APMAP: variants seen among roughly 807,000 people sequenced by gnomAD.
APMAP encodes adipocyte plasma membrane-associated protein.
In APMAP, 33 loss-of-function variants were observed where a neutral mutation model predicts 43.6. The observed-to-expected ratio is 0.76, with a 90% CI of 0.57 to 1.01. The LOEUF (loss-of-function observed/expected upper bound fraction) is 1.01, where lower values mean the gene tolerates loss of function less well. Ranked by LOEUF, APMAP falls within the 50% of genes least tolerant of loss-of-function variation. The pLI, the probability that APMAP is intolerant of heterozygous loss-of-function variation, is 0.00. For missense variants in APMAP, 498 were observed against 540.7 expected (o/e 0.92, Z 0.78); for synonymous variants, 224 against 216.7 (o/e 1.03, Z -0.30).
rs199899531 is a variant in APMAP, at chr20:24,973,703, G to A, written c.363C>T (p.Val121=). Residue 121 remains valine, a synonymous_variant, in exon 4 of 9, where the codon GTC becomes GTT. Transcript: ENST00000217456. ...CTATTTCACCATTTTCAAGTTTTAC[G>A]ACCCGGCCATCTGCTGTCCCAGTAA... ...VMFTGTADGR[V]VKLENGEIET... The A allele has an allele frequency of 1.1e-4, 170 of 1,614,084 alleles. 1 individual carries two copies. Among genetic ancestry groups the A allele is most frequent in the East Asian group, 7.8e-4 (35 of 44,892 alleles).
chr20:24,965,650 G>A (rs916465971), intron 8 of APMAP, among the ~76,000 whole-genome samples: 12 of 152,322 alleles, frequency 7.9e-5, no homozygotes, highest in South Asian at 4.1e-4. Context: ...GGGACAGCCC[G>A]GTGCAGGGAT....
At chr20:24,986,847 G>A (rs770740869) in intron 1 of APMAP, among the ~76,000 whole-genome samples, 27 of 152,204 alleles carry the variant, frequency 1.8e-4, no homozygotes, top group Admixed American at 8.5e-4. Flanking sequence ...CATTAGAAGC[G>A]CTGCCTGCCA....
At chr20:24,964,271 C>T (rs1375405631) in intron 8 of APMAP, 15 of 658,940 alleles carry the variant, frequency 2.3e-5, no homozygotes, top group Non-Finnish European at 4.0e-5. Flanking sequence ...ACAAGGACAG[C>T]AACGCAAGCA....
intron 1 of APMAP, among the ~76,000 whole-genome samples, chr20:24,991,430 G>A (rs2088191249): frequency 6.6e-6 from 1 of 152,216 alleles, no homozygotes; most frequent in South Asian, 2.1e-4. Context: ...TGGTTGGTCA[G>A]GATATATGGG....
chr20:24,973,910 T>TA (rs2088027852), intron 3 of APMAP, among the ~76,000 whole-genome samples, 173 bp from the exon 4 acceptor site: 2 of 152,180 alleles, frequency 1.3e-5, no homozygotes, highest in African/African-American at 4.8e-5. Context: ...CCTTAAAACT[T>TA]ACAGTGATAA....
In APMAP at chr20:24,971,446, A is replaced by G. The variant is rs916404343; in HGVS notation, c.538+14T>C. 1 of 1,595,646 alleles carries G rather than the reference A, an allele frequency of 6.3e-7. No homozygotes were observed. The highest frequency in any genetic ancestry group is 1.3e-5 in the African/African-American group (1 of 74,622). ...TAAAATCTTCATAGAAGGAAACGAG[A>G]TATTGTCACATACGTTTCCAGGGAT... On this transcript the variant is annotated intron_variant, in intron 5 of 8. Transcript: ENST00000217456.
intron 1 of APMAP, among the ~76,000 whole-genome samples, chr20:24,991,772 G>A (rs1367042602): frequency 2.6e-5 from 4 of 152,202 alleles, no homozygotes; most frequent in Non-Finnish European, 5.9e-5. Flanking sequence ...TCAGGACACA[G>A]AATTGAAAAG....
At chr20:24,984,050 A>G in intron 1 of APMAP, 31 bp from the exon 2 acceptor site, 1 of 1,560,958 alleles carries the variant, frequency 6.4e-7, no homozygotes, top group Non-Finnish European at 8.8e-7. Flanking sequence ...AAAGGCAATC[A>G]GCTGAGTCTC....
rs146193605 is a variant in APMAP at position 24,966,903 on chromosome 20, C to T, written c.1041+1989G>A. 6.8e-3 allele frequency among the ~76,000 whole-genome samples: 1,032 copies of T among 152,268 alleles called. 11 individuals are homozygous for T. The highest frequency in any genetic ancestry group is 0.024 in the African/African-American group (987 of 41,532). ...CAGGCATCTGCAGTGAGTGACAGGGCATTAGGCCAGCCGCTAACTCGGAAA... is the reference window on the plus strand; with the variant it reads ...CAGGCATCTGCAGTGAGTGACAGGGTATTAGGCCAGCCGCTAACTCGGAAA... On this transcript the variant is annotated intron_variant, in intron 8 of 8. Coordinates refer to ENST00000217456, the MANE Select transcript of APMAP (RefSeq NM_020531.3).
chr20:24,965,102 C>G (rs1274692047), intron 8 of APMAP, among the ~76,000 whole-genome samples: 1 of 152,242 alleles, frequency 6.6e-6, no homozygotes, highest in African/African-American at 2.4e-5. Context: ...AAGTTTCTCA[C>G]TGTCTGGGAC....
chr20:24,964,494 C>G (rs1295134107), intron 8 of APMAP: 20 of 469,178 alleles, frequency 4.3e-5, no homozygotes, highest in South Asian at 2.9e-4. Context: ...TCAAAAAAAG[C>G]AAGCAGGTCC....
intron 8 of APMAP, 82 bp downstream of exon 8, chr20:24,968,810 G>T: frequency 7.3e-7 from 1 of 1,373,134 alleles, no homozygotes; most frequent in Non-Finnish European, 9.8e-7. Flanking sequence ...AGCAGAACTA[G>T]ATTTTTAAGC....
chr20:24,970,387 A>G lies in APMAP; in HGVS notation c.539-16T>C. 1 of 1,598,640 alleles carries G rather than the reference A, an allele frequency of 6.3e-7. No individual in the cohort carries two copies. Among genetic ancestry groups the G allele is most frequent in the Non-Finnish European group, 8.5e-7 (1 of 1,171,170 alleles). On this transcript the variant is annotated splice_polypyrimidine_tract_variant and intron_variant, in intron 5 of 8. Coordinates refer to ENST00000217456, the MANE Select transcript of APMAP (RefSeq NM_020531.3). ...TTCACTTCACCTGAAGTTTAAAAAG[A>G]AAGAAAAAGATTGACTTGAACTAGG...
At position 24,970,201 on chromosome 20, in the gene APMAP, C is replaced by T. The variant is rs2087986275; in HGVS notation, c.709G>A (p.Gly237Arg). The change falls in exon 6 of 9, where the codon GGG (glycine) becomes AGG (arginine). Residue 237 changes from glycine (G) to arginine (R), a missense_variant. Coordinates refer to ENST00000217456, the MANE Select transcript of APMAP (RefSeq NM_020531.3). ...LLLVMEGTDD[G>R]RLLEYDTVTR... ...AGACCTGGAGCAAGGCCTCACCGCC[C>T]GTCATCTGTGCCCTCCATCACCAGA... 6.2e-6 allele frequency: 10 copies of T among 1,614,116 alleles called. No homozygotes were observed. Among genetic ancestry groups the T allele is most frequent in the African/African-American group, 1.3e-5 (1 of 75,036 alleles).
chr20:24,969,125 C>T (rs767669146), intron 7 of APMAP, 41 bp from the exon 8 acceptor site: 1 of 1,517,602 alleles, frequency 6.6e-7, no homozygotes, highest in Admixed American at 2.3e-5. Flanking sequence ...CATAGCCCCT[C>T]AATTTCAGAA....
chr20:24,966,710 A>G (rs1335662517), intron 8 of APMAP, among the ~76,000 whole-genome samples: 1 of 152,222 alleles, frequency 6.6e-6, no homozygotes, highest in African/African-American at 2.4e-5. Flanking sequence ...ACAGCTGACA[A>G]CTAAACACCA....
chr20:24,969,562 A>T lies in APMAP; in HGVS notation c.812T>A (p.Val271Asp), dbSNP rs1219540256. Residue 271 changes from valine to aspartate, a missense_variant, in exon 7 of 9, where the codon GTC becomes GAC. Transcript: ENST00000217456. ...GVQLSPAEDF[V>D]LVAETTMARI... ...GGCCATGGTTGTTTCTGCCACCAGG[A>T]CAAAGTCTTCTGCAGGAGACAGCTG... 6.2e-7 allele frequency: 1 copy of T among 1,613,962 alleles called. No homozygotes were observed. Among genetic ancestry groups the T allele is most frequent in the South Asian group, 1.1e-5 (1 of 91,068 alleles).
At position 24,984,964 on chromosome 20, in the gene APMAP, T is replaced by C. The variant is rs1473572019; in HGVS notation, c.96-945A>G. On this transcript the variant is annotated intron_variant, in intron 1 of 8. Transcript: ENST00000217456. ...TTTTTTTCTTCCATGAAAAAAAGTG[T>C]TGACAAAGAAAAAAGTCAAGACTCA... Among the ~76,000 whole-genome samples the C allele has an allele frequency of 2.0e-5, 3 of 152,198 alleles. No homozygotes were observed. The East Asian group carries it at 5.8e-4, about 29-fold the overall frequency.
Position 24,963,108 on chromosome 20 carries a change from C to T in APMAP, c.*705G>A, listed in dbSNP as rs1027502826. The T allele has an allele frequency of 1.3e-5, 2 of 152,356 alleles. No individual in the cohort carries two copies. Among genetic ancestry groups the T allele is most frequent in the African/African-American group, 4.8e-5 (2 of 41,430 alleles). The allele number at this position is 152,356 out of a possible 1,614,324, so 9.4% of individuals were successfully genotyped here. On this transcript the variant is annotated 3_prime_UTR_variant, in exon 9 of 9. Transcript: ENST00000217456. The stretch of plus-strand genomic sequence containing the variant: ...TCAAGAACAAAGATCACAGACAAGA[C>T]GTTACTAAACGGACCCCTGCAGTAG...
Sources: gnomAD v4.1 joint callset for allele counts (sites outside exome capture counted in the v4.1 genomes callset) on GRCh38, gnomAD v4.1.1 for gene constraint, MANE v1.5 for transcripts, NCBI Gene and HGNC (gene_info 2026-07-23, HGNC 2026-07-21) for gene names.